The following GABRB3 variants were observed in gnomAD, a reference collection of about 807,000 sequenced individuals.
GABRB3 encodes gamma-aminobutyric acid type A receptor subunit beta3.
GABRB3 carries 14 observed loss-of-function variants against 52.1 expected under a neutral mutation model. The ratio of observed to expected loss-of-function variants is 0.27; its 90% CI spans 0.18 to 0.42. The LOEUF (loss-of-function observed/expected upper bound fraction) is 0.42, where lower values mean the gene tolerates loss of function less well. Among genes scored for constraint, GABRB3 ranks in the 10% least tolerant of loss-of-function variants. The probability of loss-of-function intolerance (pLI) is 1.00; values close to 1 mark genes in which losing one functional copy is unlikely to be tolerated. For synonymous variants in GABRB3, 260 were observed against 232.3 expected, an observed-to-expected ratio of 1.12 and a Z score of -1.08; for missense variants, 307 against 609.1, an observed-to-expected ratio of 0.50 and a Z score of 5.22.
chr15:26,629,252 C>T (rs1892838124), intron 3 of GABRB3: 1 of 1,268,970 alleles, frequency 7.9e-7, no homozygotes, highest in African/African-American at 1.5e-5. Context: ...GAAGCTTGGC[C>T]CCGAGAGGGA....
At chr15:26,693,329 C>A (rs1888642146) in intron 3 of GABRB3, among the ~76,000 whole-genome samples, 1 of 152,200 alleles carries the variant, frequency 6.6e-6, no homozygotes, top group Non-Finnish European at 1.5e-5. Context: ...GCGTTCCTAG[C>A]AGTCTCTAAA....
intron 8 of GABRB3, among the ~76,000 whole-genome samples, chr15:26,554,176 G>GTATATGTATATATATATATATA (rs1889645375): frequency 3.7e-5 from 1 of 27,334 alleles, no homozygotes; most frequent in African/African-American, 1.1e-4. Flanking sequence ...TATATATAAA[G>GTATATGTATATATATATATATA]TATATATATA....
Position 26,580,474 on chromosome 15 carries a change from G to A in GABRB3, c.545-18C>T, listed in dbSNP as rs749172439. 15 of 1,613,998 alleles carry A rather than the reference G, an allele frequency of 9.3e-6. No individual in the cohort carries two copies. Among genetic ancestry groups the A allele is most frequent in the Non-Finnish European group, 8.5e-7 (1 of 1,180,014 alleles). On this transcript the variant is annotated intron_variant, in intron 5 of 8. Transcript: ENST00000311550. ...GTAGCCATCTGCCAAGAGAGAAGCA[G>A]GGAGACAGCAAACATCACCATTTCG...
At chr15:26,627,915 A>G (rs1566782493) in intron 3 of GABRB3, among the ~76,000 whole-genome samples, 1 of 152,334 alleles carries the variant, frequency 6.6e-6, no homozygotes, top group Non-Finnish European at 1.5e-5. Context: ...GCTACAGAGA[A>G]ATCTTTCATG....
intron 3 of GABRB3, among the ~76,000 whole-genome samples, chr15:26,683,731 G>T (rs1325969822): frequency 1.3e-5 from 2 of 151,844 alleles, no homozygotes; most frequent in Non-Finnish European, 2.9e-5. Context: ...AGGGTCGGGG[G>T]GAACAAAACA....
intron 3 of GABRB3, among the ~76,000 whole-genome samples, chr15:26,727,368 T>G (rs1485875747): frequency 6.6e-6 from 1 of 152,218 alleles, no homozygotes; most frequent in Non-Finnish European, 1.5e-5. Context: ...GGATAGTTTA[T>G]TCTATGGAAT....
At chr15:26,554,013 C>A (rs1889587478) in intron 8 of GABRB3, among the ~76,000 whole-genome samples, 1 of 33,194 alleles carries the variant, frequency 3.0e-5, no homozygotes, top group Non-Finnish European at 6.3e-5. Flanking sequence ...TAGCTGACAC[C>A]TGACTATTTA....
chr15:26,701,987 A>G (rs1466999055), intron 3 of GABRB3, among the ~76,000 whole-genome samples: 1 of 152,234 alleles, frequency 6.6e-6, no homozygotes, highest in African/African-American at 2.4e-5. Context: ...AGAAACATCA[A>G]TAAATACTGC....
At chr15:26,746,011 TAAGAA>T (rs1202424163) in intron 3 of GABRB3, among the ~76,000 whole-genome samples, 1 of 152,218 alleles carries the variant, frequency 6.6e-6, no homozygotes. Context: ...TTTAATTTTA[TAAGAA>T]ACTGCCAACT....
At chr15:26,709,296 G>A (rs1195511424) in intron 3 of GABRB3, among the ~76,000 whole-genome samples, 4 of 152,054 alleles carry the variant, frequency 2.6e-5, no homozygotes, top group Admixed American at 2.0e-4. Context: ...CAAGGAGTGA[G>A]TTCTCACTCT....
chr15:26,747,930 T>C (rs1487773311), intron 3 of GABRB3, among the ~76,000 whole-genome samples: 1 of 149,854 alleles, frequency 6.7e-6, no homozygotes, highest in Non-Finnish European at 1.5e-5. Flanking sequence ...TTATCATGAA[T>C]GGGTATTGTA....
chr15:26,642,931 CA>C (rs771411434), intron 3 of GABRB3, among the ~76,000 whole-genome samples: 1 of 152,090 alleles, frequency 6.6e-6, no homozygotes, highest in Non-Finnish European at 1.5e-5. Flanking sequence ...CCGGTATTGC[CA>C]GTCTGTCTCA....
intron 3 of GABRB3, among the ~76,000 whole-genome samples, chr15:26,768,508 A>G (rs573368856): frequency 6.6e-6 from 1 of 152,178 alleles, no homozygotes; most frequent in Non-Finnish European, 1.5e-5. Flanking sequence ...TATGTTTCCT[A>G]TACTTGCAAA....
intron 3 of GABRB3, among the ~76,000 whole-genome samples, chr15:26,685,487 T>C (rs776716366): frequency 6.6e-6 from 1 of 152,092 alleles, no homozygotes; most frequent in Non-Finnish European, 1.5e-5. Context: ...TTTCTGAAAA[T>C]ACTTCACCAA....
intron 3 of GABRB3, among the ~76,000 whole-genome samples, chr15:26,725,647 T>C (rs985599535): frequency 6.6e-6 from 1 of 152,222 alleles, no homozygotes; most frequent in Admixed American, 6.5e-5. Flanking sequence ...TCAAAATGTT[T>C]GAGACCATAA....
intron 3 of GABRB3, among the ~76,000 whole-genome samples, chr15:26,666,005 AC>A (rs1887699501): frequency 6.6e-6 from 1 of 152,022 alleles, no homozygotes; most frequent in Admixed American, 6.6e-5. Context: ...CAAAGTAGAA[AC>A]CCCCTGACCT....
At chr15:26,740,310 G>T (rs1595560863) in intron 3 of GABRB3, among the ~76,000 whole-genome samples, 1 of 152,276 alleles carries the variant, frequency 6.6e-6, no homozygotes, top group Admixed American at 6.5e-5. Flanking sequence ...GCAGGGCTCA[G>T]GGGCCCAATG....
At chr15:26,693,403 T>G (rs1319153001) in intron 3 of GABRB3, among the ~76,000 whole-genome samples, 2 of 152,170 alleles carry the variant, frequency 1.3e-5, no homozygotes, top group African/African-American at 4.8e-5. Context: ...GAATTTCCCC[T>G]GCGAGATCAT....
At chr15:26,701,683 A>T (rs1195869706) in intron 3 of GABRB3, among the ~76,000 whole-genome samples, 3 of 152,230 alleles carry the variant, frequency 2.0e-5, no homozygotes, top group Non-Finnish European at 4.4e-5. Flanking sequence ...TATTCAAATC[A>T]ATTTTAATCA....
Sources: gnomAD v4.1 joint callset for allele counts (sites outside exome capture counted in the v4.1 genomes callset) on GRCh38, gnomAD v4.1.1 for gene constraint, MANE v1.5 for transcripts, NCBI Gene and HGNC (gene_info 2026-07-23, HGNC 2026-07-21) for gene names.